The following LDLRAD4 variants were observed in gnomAD, a reference collection of about 807,000 sequenced individuals.
LDLRAD4 encodes the protein low-density lipoprotein receptor class A domain-containing protein 4.
In LDLRAD4, 5 loss-of-function variants were observed where a neutral mutation model predicts 17.0. The observed-to-expected ratio is 0.29, with a 90% CI of 0.15 to 0.62. LDLRAD4 has a LOEUF of 0.62. Among genes scored for constraint, LDLRAD4 ranks in the 20% least tolerant of loss-of-function variants. The pLI, the probability that LDLRAD4 is intolerant of heterozygous loss-of-function variation, is 0.84. For synonymous variants in LDLRAD4, 168 were observed against 171.8 expected (o/e 0.98, Z 0.17); for missense variants, 340 against 424.7 (o/e 0.80, Z 1.75).
rs1039283504 is a variant in LDLRAD4, at chr18:13,325,736, A to C, written c.-383+47548A>C. ...CAGTTTCCTCATCTGTAATGTGGGG[A>C]TGGCAATATAAACTTTTTTCCTTTT... is the stretch of plus-strand genomic sequence containing the variant. On this transcript the variant is annotated intron_variant, in intron 1 of 5. Transcript: ENST00000359446. 4.0e-5 allele frequency among the ~76,000 whole-genome samples: 6 copies of C among 151,524 alleles called. No homozygotes were observed. In the South Asian group the frequency reaches 1.3e-3, roughly 32 times the overall value.
At chr18:13,610,288 TTTTTTTTTTTTTTTTTTG>T (rs753045184) in intron 3 of LDLRAD4, among the ~76,000 whole-genome samples, 2,442 of 69,924 alleles carry the variant, frequency 0.035, 191 homozygotes, top group Non-Finnish European at 0.052. Flanking sequence ...TTTTTTTTTT[TTTTTTTTTTTTTTTTTTG>T]AGACGGAGTC....
At chr18:13,252,549 T>C (rs930700070) in intron 1 of LDLRAD4, among the ~76,000 whole-genome samples, 13 of 152,174 alleles carry the variant, frequency 8.5e-5, no homozygotes, top group Non-Finnish European at 1.5e-4. Flanking sequence ...GATGCACAAA[T>C]GATGAACTTC....
At chr18:13,355,209 A>G (rs2083269063) in intron 1 of LDLRAD4, among the ~76,000 whole-genome samples, 1 of 152,222 alleles carries the variant, frequency 6.6e-6, no homozygotes, top group Non-Finnish European at 1.5e-5. Context: ...AGATCTTACT[A>G]ATTTTTTAAA....
intron 3 of LDLRAD4, among the ~76,000 whole-genome samples, chr18:13,541,779 G>A (rs992339370): frequency 2.0e-5 from 3 of 152,242 alleles, no homozygotes; most frequent in East Asian, 1.9e-4. Context: ...ACCGCCAGGC[G>A]TGGTGGCTCA....
chr18:13,519,734 C>T (rs2093924927), intron 3 of LDLRAD4: 1 of 152,170 alleles, frequency 6.6e-6, no homozygotes, highest in Admixed American at 6.5e-5. Context: ...CACTGCACTT[C>T]CAGCCTGGGT....
intron 1 of LDLRAD4, among the ~76,000 whole-genome samples, chr18:13,330,621 T>C (rs1403898205): frequency 6.6e-6 from 1 of 152,216 alleles, no homozygotes; most frequent in Non-Finnish European, 1.5e-5. Flanking sequence ...TATTATAAAA[T>C]ATGTGTTTGG....
At chr18:13,279,670 G>C (rs2045129237) in intron 1 of LDLRAD4, 1 of 152,184 alleles carries the variant, frequency 6.6e-6, no homozygotes. Flanking sequence ...TTTCAAAATT[G>C]GTAATGGAAA....
At chr18:13,259,282 C>T (rs992539236) in intron 1 of LDLRAD4, among the ~76,000 whole-genome samples, 4 of 152,084 alleles carry the variant, frequency 2.6e-5, no homozygotes, top group Non-Finnish European at 4.4e-5. Flanking sequence ...CAAGTGTATC[C>T]TCCCGCCTTA....
chr18:13,576,176 C>A (rs1442512653), intron 3 of LDLRAD4, among the ~76,000 whole-genome samples: 1 of 152,074 alleles, frequency 6.6e-6, no homozygotes, highest in African/African-American at 2.4e-5. Flanking sequence ...GTAATCCCAG[C>A]ACTTTGGGAG....
intron 3 of LDLRAD4, among the ~76,000 whole-genome samples, chr18:13,583,437 C>T (rs1438312290): frequency 6.6e-6 from 1 of 151,858 alleles, no homozygotes; most frequent in African/African-American, 2.4e-5. Flanking sequence ...GTGGTCACGG[C>T]ACCAACTTTG....
intron 1 of LDLRAD4, among the ~76,000 whole-genome samples, chr18:13,220,530 C>T (rs1326193550): frequency 6.6e-6 from 1 of 152,170 alleles, no homozygotes; most frequent in African/African-American, 2.4e-5. Flanking sequence ...AATTTGTTGG[C>T]ACATTATTTG....
chr18:13,473,661 AT>A lies in LDLRAD4; in HGVS notation c.181+35278del, dbSNP rs1568213802. Among the ~76,000 whole-genome samples, 72 of 107,978 alleles carry A rather than the reference AT, an allele frequency of 6.7e-4. No homozygotes were observed. The South Asian group carries it at 9.7e-3, about 14-fold the overall frequency. The allele number at this position is 107,978 out of a possible 152,430, so 70.8% of individuals were successfully genotyped here. A position where few individuals can be genotyped will look rare whatever the true frequency, so the allele number is the denominator to read the frequency against. On this transcript the variant is annotated intron_variant, in intron 3 of 5. Transcript: ENST00000359446. ...CATATATATATATATATATATATAT[AT>A]ATATATATATATATATAACGTTTAC...
At chr18:13,353,972 C>G (rs534210725) in intron 1 of LDLRAD4, among the ~76,000 whole-genome samples, 2 of 152,240 alleles carry the variant, frequency 1.3e-5, no homozygotes, top group Admixed American at 1.3e-4. Context: ...TGCTATTTTG[C>G]TGATGTCACT....
intron 1 of LDLRAD4, among the ~76,000 whole-genome samples, chr18:13,360,399 G>T (rs1425774610): frequency 1.3e-5 from 2 of 152,204 alleles, no homozygotes; most frequent in Non-Finnish European, 2.9e-5. Context: ...GTATTACAGC[G>T]CAGCCAGCGA....
At chr18:13,435,759 T>G (rs1004419139) in intron 2 of LDLRAD4, among the ~76,000 whole-genome samples, 39 of 152,182 alleles carry the variant, frequency 2.6e-4, no homozygotes, top group Non-Finnish European at 4.4e-4. Context: ...ATTTGAAATT[T>G]AATAGGTTGA....
rs191230337 is a variant in LDLRAD4, at chr18:13,530,726, C to T, written c.182-90391C>T. On this transcript the variant is annotated intron_variant, in intron 3 of 5. Coordinates refer to ENST00000359446, the Ensembl canonical transcript of LDLRAD4. The stretch of plus-strand genomic sequence containing the variant: ...GGTGACGTGTGTGACATGCAGGGAC[C>T]CTGCCAGGGCCCAGGGTGGACCCCC... 4.4e-3 allele frequency among the ~76,000 whole-genome samples: 671 copies of T among 152,258 alleles called. 2 individuals are homozygous for T. Among genetic ancestry groups the T allele is most frequent in the African/African-American group, 0.015 (641 of 41,546 alleles).
At chr18:13,504,779 G>C (rs1478565322) in intron 3 of LDLRAD4, among the ~76,000 whole-genome samples, 2 of 152,222 alleles carry the variant, frequency 1.3e-5, no homozygotes, top group Non-Finnish European at 2.9e-5. Flanking sequence ...AGAGGCATGG[G>C]TGTGGCTTAT....
chr18:13,447,341 C>T (rs956975048), intron 3 of LDLRAD4, among the ~76,000 whole-genome samples: 4 of 152,170 alleles, frequency 2.6e-5, no homozygotes, highest in Non-Finnish European at 4.4e-5. Flanking sequence ...CAGCCTCACA[C>T]CCTCCCCTCC....
In LDLRAD4 at chr18:13,306,863, GA is replaced by G. The variant is rs370033944; in HGVS notation, c.-383+28676del. On this transcript the variant is annotated intron_variant, in intron 1 of 5. Transcript: ENST00000359446. ...GGAGAGGGGGAAGGAAGGATTTCAA[GA>G]TATGGATCTTGGAGAAATTCAAGAG... 7.2e-3 allele frequency among the ~76,000 whole-genome samples: 1,091 copies of G among 152,272 alleles called. 16 individuals are homozygous for G. Among genetic ancestry groups the G allele is most frequent in the African/African-American group, 0.025 (1,037 of 41,550 alleles).
Sources: allele counts gnomAD v4.1 joint callset (sites outside exome capture counted in the v4.1 genomes callset), GRCh38; gene constraint gnomAD v4.1.1; transcripts MANE v1.5; gene names NCBI Gene and HGNC (gene_info 2026-07-23, HGNC 2026-07-21).